The following CCDC178 variants were observed in gnomAD, a reference collection of about 807,000 sequenced individuals.
CCDC178 encodes coiled-coil domain-containing protein 178.
Under a neutral mutation model 117.4 loss-of-function variants are expected in CCDC178, and 126 were observed. The ratio of observed to expected loss-of-function variants is 1.07; its 90% CI spans 0.93 to 1.24. The LOEUF (loss-of-function observed/expected upper bound fraction) is 1.24, where lower values mean the gene tolerates loss of function less well. Among genes scored for constraint, CCDC178 ranks in the 50% most tolerant of loss-of-function variants. CCDC178 has a pLI of 0.00. For synonymous variants in CCDC178, 283 were observed against 313.4 expected, an observed-to-expected ratio of 0.90 and a Z score of 1.02; for missense variants, 1,030 against 986.9, an observed-to-expected ratio of 1.04 and a Z score of -0.59.
chr18:32,983,501 T>C lies in CCDC178; in HGVS notation c.2389-8820A>G, dbSNP rs148053039. The C allele has an allele frequency of 3.8e-3, 2,039 of 539,106 alleles. 65 individuals carry two copies. The East Asian group carries it at 0.051, about 14-fold the overall frequency. The allele number at this position is 539,106 out of a possible 1,614,324, so 33.4% of individuals were successfully genotyped here. ...TGACAAAGAAGAGAAAAAAATGCTG[T>C]ATCCTGTAGATTTGCATTTGCACCT... On this transcript the variant is annotated intron_variant, in intron 21 of 22. Coordinates refer to ENST00000383096, the MANE Select transcript of CCDC178 (RefSeq NM_001105528.4).
At chr18:33,419,560 C>T (rs1289621901) in intron 2 of CCDC178, among the ~76,000 whole-genome samples, 1 of 152,116 alleles carries the variant, frequency 6.6e-6, no homozygotes, top group Non-Finnish European at 1.5e-5. Flanking sequence ...TTTCCAGAAT[C>T]TATAAGGAAC....
At chr18:33,244,414 T>C (rs2059522856) in intron 15 of CCDC178, among the ~76,000 whole-genome samples, 1 of 151,886 alleles carries the variant, frequency 6.6e-6, no homozygotes, top group African/African-American at 2.4e-5. Flanking sequence ...CTTTGAATTG[T>C]AATAATCCCC....
At chr18:32,960,057 A>G (rs1009583144) in intron 22 of CCDC178, among the ~76,000 whole-genome samples, 1 of 152,136 alleles carries the variant, frequency 6.6e-6, no homozygotes, top group Admixed American at 6.6e-5. Flanking sequence ...AGATAATTTA[A>G]TTCATGGAAT....
At chr18:32,971,786 T>C (rs1382413957) in intron 22 of CCDC178, among the ~76,000 whole-genome samples, 1 of 152,154 alleles carries the variant, frequency 6.6e-6, no homozygotes, top group Non-Finnish European at 1.5e-5. Context: ...GATGATGAGC[T>C]TTTTTAATAC....
chr18:33,419,899 A>C (rs1214327282), intron 2 of CCDC178, among the ~76,000 whole-genome samples: 1 of 152,042 alleles, frequency 6.6e-6, no homozygotes, highest in Non-Finnish European at 1.5e-5. Flanking sequence ...TCAACCCAGC[A>C]ATCTTTCTTT....
At chr18:33,286,036 C>A (rs545100534) in intron 12 of CCDC178, among the ~76,000 whole-genome samples, 2 of 140,802 alleles carry the variant, frequency 1.4e-5, no homozygotes, top group East Asian at 2.1e-4. Flanking sequence ...TGCAGTGGTG[C>A]AATCTTGGCT....
At chr18:33,361,942 A>G (rs1599220906) in intron 6 of CCDC178, among the ~76,000 whole-genome samples, 1 of 151,728 alleles carries the variant, frequency 6.6e-6, no homozygotes. Context: ...CCAGCAATTC[A>G]TCTTTTAGGT....
In CCDC178 at chr18:33,047,292, T is replaced by C. The variant is rs948145150; in HGVS notation, c.2388+45469A>G. The stretch of plus-strand genomic sequence containing the variant: ...GCTTATGATGTCCCAGGGCAGATTT[T>C]AGTTGTTCTGGTTTAAGTTCATTCC... On this transcript the variant is annotated intron_variant, in intron 21 of 22. Transcript: ENST00000383096. 5.3e-5 allele frequency among the ~76,000 whole-genome samples: 8 copies of C among 152,322 alleles called. No homozygotes were observed. In the South Asian group the frequency reaches 6.2e-4, roughly 12 times the overall value.
intron 15 of CCDC178, among the ~76,000 whole-genome samples, chr18:33,236,060 C>T (rs1052056942): frequency 1.3e-5 from 2 of 152,148 alleles, no homozygotes; most frequent in African/African-American, 4.8e-5. Flanking sequence ...ACTTATCTGG[C>T]ATTTTACAGA....
chr18:33,342,226 A>G (rs2144662862), intron 9 of CCDC178, among the ~76,000 whole-genome samples: 2 of 152,272 alleles, frequency 1.3e-5, no homozygotes, highest in Admixed American at 1.3e-4. Flanking sequence ...ATAAGAAACA[A>G]TATGATATGT....
intron 3 of CCDC178, 101 bp downstream of exon 3, chr18:33,411,930 G>T: frequency 3.5e-6 from 2 of 573,326 alleles, no homozygotes; most frequent in Non-Finnish European, 6.0e-6. Flanking sequence ...CATTATCTTG[G>T]AAAAGATTAC....
At chr18:33,059,358 C>G (rs1265514176) in intron 21 of CCDC178, among the ~76,000 whole-genome samples, 3 of 152,130 alleles carry the variant, frequency 2.0e-5, no homozygotes, top group Non-Finnish European at 2.9e-5. Context: ...ACTGCTTACT[C>G]TGCATCGTCA....
intron 7 of CCDC178, among the ~76,000 whole-genome samples, chr18:33,350,841 C>T (rs1443710866): frequency 2.0e-5 from 3 of 151,672 alleles, no homozygotes; most frequent in Admixed American, 6.6e-5. Flanking sequence ...TTTGAGGAGC[C>T]GACAAACTGT....
At chr18:33,089,479 T>C (rs1420708202) in intron 21 of CCDC178, among the ~76,000 whole-genome samples, 1 of 152,150 alleles carries the variant, frequency 6.6e-6, no homozygotes, top group Non-Finnish European at 1.5e-5. Flanking sequence ...ATAGCACAAA[T>C]ACTTTGTCCA....
chr18:33,394,939 A>ATGTGTGTG (rs1302202346), intron 4 of CCDC178, among the ~76,000 whole-genome samples: 58 of 76,156 alleles, frequency 7.6e-4, no homozygotes, highest in African/African-American at 2.1e-3. Flanking sequence ...CTGTATATGT[A>ATGTGTGTG]TGTGTATATA....
intron 21 of CCDC178, among the ~76,000 whole-genome samples, chr18:33,022,867 TA>T (rs112660576): frequency 2.6e-5 from 4 of 151,976 alleles, no homozygotes; most frequent in African/African-American, 4.8e-5. Context: ...TAATGATATA[TA>T]GGGGGGCTGG....
chr18:33,190,744 G>A (rs1021655364), intron 20 of CCDC178, among the ~76,000 whole-genome samples: 1 of 152,162 alleles, frequency 6.6e-6, no homozygotes, highest in Non-Finnish European at 1.5e-5. Flanking sequence ...AAGTGTAATA[G>A]AGGATTATCC....
chr18:32,997,900 T>G (rs2055550072), intron 21 of CCDC178, among the ~76,000 whole-genome samples: 1 of 152,064 alleles, frequency 6.6e-6, no homozygotes. Context: ...CCAAAATAAA[T>G]AGGTGGAAAG....
intron 20 of CCDC178, among the ~76,000 whole-genome samples, chr18:33,134,121 C>T (rs1269782892): frequency 2.0e-5 from 3 of 151,800 alleles, no homozygotes; most frequent in Non-Finnish European, 4.4e-5. Flanking sequence ...TGCACCTGAG[C>T]GGTAAGTTAT....
Sources: allele counts gnomAD v4.1 joint callset (sites outside exome capture counted in the v4.1 genomes callset), GRCh38; gene constraint gnomAD v4.1.1; transcripts MANE v1.5; gene names NCBI Gene and HGNC (gene_info 2026-07-23, HGNC 2026-07-21).